ITPRID2: variants seen among roughly 807,000 people sequenced by gnomAD.
ITPRID2 encodes protein ITPRID2.
Under a neutral mutation model 124.3 loss-of-function variants are expected in ITPRID2, and 60 were observed. The ratio of observed to expected loss-of-function variants is 0.48; its 90% CI spans 0.39 to 0.60. The LOEUF (loss-of-function observed/expected upper bound fraction) is 0.60, where lower values mean the gene tolerates loss of function less well. Ranked by LOEUF, ITPRID2 falls within the 20% of genes least tolerant of loss-of-function variation. ITPRID2 has a pLI of 0.00. For synonymous variants in ITPRID2, 521 were observed against 542.9 expected (o/e 0.96, Z 0.56); for missense variants, 1,553 against 1,512.2 (o/e 1.03, Z -0.45).
intron 9 of ITPRID2, among the ~76,000 whole-genome samples, chr2:181,912,025 T>C (rs930325467): frequency 6.6e-6 from 1 of 152,192 alleles, no homozygotes; most frequent in African/African-American, 2.4e-5. Flanking sequence ...AGATAAAACA[T>C]ACCTTAGCAG....
rs1691770329 is a variant in ITPRID2, at chr2:181,892,241, C to T, written c.175C>T (p.Leu59Phe). Reference protein sequence around the residue: ...QDEEEDEEEDLPGAQLPAAGG... With the variant: ...QDEEEDEEEDFPGAQLPAAGG... ...CGAGGAGGAGGACGAGGAGGAGGAC[C>T]TCCCCGGCGCGCAGCTGCCGGCAGC... Residue 59 changes from leucine to phenylalanine, a missense_variant, in exon 1 of 18, where the codon CTC (leucine) becomes TTC (phenylalanine). Transcript: ENST00000431877. The surrounding 1 kb of genome is among the most constrained non-coding windows in gnomAD (Gnocchi z 5.2). The T allele has an allele frequency of 1.9e-6, 3 of 1,549,528 alleles. No homozygotes were observed. Among genetic ancestry groups the T allele is most frequent in the South Asian group, 1.2e-5 (1 of 84,018 alleles).
At chr2:181,916,650 CTG>C (rs1311471897) in intron 11 of ITPRID2, 1 of 729,550 alleles carries the variant, frequency 1.4e-6, no homozygotes, top group Admixed American at 3.4e-5. Flanking sequence ...GCTCACAAGT[CTG>C]TCTCCTTTCC....
intron 9 of ITPRID2, among the ~76,000 whole-genome samples, chr2:181,913,052 C>G (rs1693730013): frequency 6.6e-6 from 1 of 151,810 alleles, no homozygotes; most frequent in Non-Finnish European, 1.5e-5. Flanking sequence ...ATTTACTGGC[C>G]TTAATTGTAT....
chr2:181,929,708 TA>T lies in ITPRID2; in HGVS notation c.*166del. ...TGTGTATTTCTTCAACCATATATTT[TA>T]AAAAGACGTACATAGAAACTTAGGC... On this transcript the variant is annotated 3_prime_UTR_variant, in exon 18 of 18. Transcript: ENST00000431877. 7.7e-7 allele frequency: 1 copy of T among 1,290,904 alleles called. No individual in the cohort carries two copies. The highest frequency in any genetic ancestry group is 1.1e-6 in the Non-Finnish European group (1 of 928,078). 80.0% of individuals were successfully genotyped at this position (1,290,904 alleles called of 1,614,324 possible).
chr2:181,904,010 C>T lies in ITPRID2; in HGVS notation c.1413+1544C>T, dbSNP rs182699616. ...TAGGTAATTGCAAATCTGATATTGG[C>T]GACTCCGAGTGAACAACACTCATAT... On this transcript the variant is annotated intron_variant, in intron 8 of 17. Coordinates refer to ENST00000431877, the MANE Select transcript of ITPRID2 (RefSeq NM_001130445.3). 1.1e-4 allele frequency among the ~76,000 whole-genome samples: 17 copies of T among 152,122 alleles called. No homozygotes were observed. The East Asian group carries it at 2.1e-3, about 19-fold the overall frequency.
At chr2:181,913,084 T>TTTG (rs1693737821) in intron 9 of ITPRID2, among the ~76,000 whole-genome samples, 1 of 152,134 alleles carries the variant, frequency 6.6e-6, no homozygotes, top group Non-Finnish European at 1.5e-5. Flanking sequence ...TTTATTTTTT[T>TTTG]TGAGACGGAG....
At chr2:181,909,418 G>T (rs1693421837) in intron 8 of ITPRID2, among the ~76,000 whole-genome samples, 1 of 152,124 alleles carries the variant, frequency 6.6e-6, no homozygotes, top group African/African-American at 2.4e-5. Flanking sequence ...GTGTATTAGT[G>T]TTTCTCCTGG....
rs778481761 is a variant in ITPRID2 at position 181,900,829 on chromosome 2, G to A, written c.637G>A (p.Gly213Arg). Reference protein sequence around the residue: ...RFFNSSSFAKGIDIKVFLSAQ... With the variant: ...RFFNSSSFAKRIDIKVFLSAQ... ...TTTTAATTCATCATCCTTTGCCAAA[G>A]GGATAGATATTAAAGTATTTTTGAG... The change falls in exon 7 of 18, where the codon GGG becomes AGG. Residue 213 changes from glycine (G) to arginine (R), a missense_variant. Transcript: ENST00000431877. 6.2e-7 allele frequency: 1 copy of A among 1,613,260 alleles called. No homozygotes were observed. Among genetic ancestry groups the A allele is most frequent in the Non-Finnish European group, 8.5e-7 (1 of 1,179,622 alleles).
chr2:181,914,321 T>A (rs933322043), intron 10 of ITPRID2, among the ~76,000 whole-genome samples: 3 of 152,208 alleles, frequency 2.0e-5, no homozygotes, highest in Non-Finnish European at 4.4e-5. Context: ...CTGAGTGTTA[T>A]ACTGATTTTT....
rs1317385206 is a variant in ITPRID2, at chr2:181,915,336, G to C, written c.1696G>C (p.Glu566Gln). The change falls in exon 11 of 18, where the codon GAA (glutamate) becomes CAA (glutamine). Residue 566 changes from glutamate (E) to glutamine (Q), a missense_variant. By Grantham distance (29) the Glu-to-Gln change is conservative (BLOSUM62 2). Coordinates refer to ENST00000431877, the MANE Select transcript of ITPRID2 (RefSeq NM_001130445.3). ...PTAQDQPYFN[E>Q]SEEESLVPLQ... ...AGCACAAGACCAGCCTTATTTTAAT[G>C]AATCAGAGGAGGAGTCTCTTGTCCC... 1 of 1,614,188 alleles carries C rather than the reference G, an allele frequency of 6.2e-7. No homozygotes were observed. The highest frequency in any genetic ancestry group is 2.2e-5 in the East Asian group (1 of 44,876).
At chr2:181,909,383 T>C (rs1693419683) in intron 8 of ITPRID2, among the ~76,000 whole-genome samples, 1 of 152,188 alleles carries the variant, frequency 6.6e-6, no homozygotes, top group Non-Finnish European at 1.5e-5. Flanking sequence ...CTCAACTGTG[T>C]GTTGGTCATA....
In ITPRID2 at chr2:181,892,100, G is replaced by A. The variant is rs1574179204; in HGVS notation, c.34G>A (p.Glu12Lys). The A allele has an allele frequency of 6.4e-7, 1 of 1,557,416 alleles. No individual in the cohort carries two copies. Among genetic ancestry groups the A allele is most frequent in the Admixed American group, 1.9e-5 (1 of 51,954 alleles). The change falls in exon 1 of 18, where the codon GAG (glutamate) becomes AAG (lysine). Residue 12 changes from glutamate (E) to lysine (K), a missense_variant. Transcript: ENST00000431877. This position sits in a 1 kb window ranked among gnomAD's most constrained non-coding sequence, Gnocchi z 5.2. ...GCCCCTGTCGTCGTCGGCGGAGGCG[G>A]AGGAGGAACTGGAGTGGCAAGTGGC... ...DRPLSSSAEA[E>K]EELEWQVASR...
chr2:181,924,453 AAATT>A (rs1276824057), intron 16 of ITPRID2, among the ~76,000 whole-genome samples: 1 of 152,236 alleles, frequency 6.6e-6, no homozygotes, highest in Non-Finnish European at 1.5e-5. Context: ...CAAGAAAATT[AAATT>A]AGATTCTGTC....
At position 181,900,746 on chromosome 2, in the gene ITPRID2, A is replaced by G. The variant is rs1692595624; in HGVS notation, c.554A>G (p.Tyr185Cys). Residue 185 changes from tyrosine (Y) to cysteine (C), a missense_variant, in exon 7 of 18, where the codon TAT becomes TGT. Transcript: ENST00000431877. ...LYEEDPEEIL[Y>C]NLGFGRDEPD... Reference sequence around the variant, plus strand: ...GAGGAAGATCCTGAAGAAATTCTTTATAATCTTGGATTTGGACGTGATGAA... The same window carrying G: ...GAGGAAGATCCTGAAGAAATTCTTTGTAATCTTGGATTTGGACGTGATGAA... 3.7e-6 allele frequency: 6 copies of G among 1,612,730 alleles called. No individual in the cohort carries two copies. The highest frequency in any genetic ancestry group is 1.1e-5 in the South Asian group (1 of 90,706).
intron 17 of ITPRID2, among the ~76,000 whole-genome samples, chr2:181,929,216 C>A (rs1459933391): frequency 6.6e-6 from 1 of 150,978 alleles, no homozygotes; most frequent in Non-Finnish European, 1.5e-5. Context: ...AATAATAATT[C>A]TTGGTGAATG....
chr2:181,926,712 CAAAAA>C (rs567004734), intron 16 of ITPRID2, among the ~76,000 whole-genome samples: 1 of 65,968 alleles, frequency 1.5e-5, no homozygotes, highest in Admixed American at 1.5e-4. Context: ...GAATCCATCT[CAAAAA>C]AAAAAAAAAA....
At chr2:181,918,729 T>G in intron 12 of ITPRID2, 26 bp from the exon 13 acceptor site, 1 of 1,613,660 alleles carries the variant, frequency 6.2e-7, no homozygotes, top group Non-Finnish European at 8.5e-7. Context: ...AATTTAGAAG[T>G]GTAATTTTGT....
At chr2:181,928,629 C>CTT (rs756208720) in intron 17 of ITPRID2, among the ~76,000 whole-genome samples, 7 of 142,354 alleles carry the variant, frequency 4.9e-5, no homozygotes, top group Admixed American at 7.0e-5. Context: ...TCACAACTTC[C>CTT]TTTTTTTTTT....
chr2:181,891,769 G>C lies in ITPRID2; in HGVS notation c.-298G>C, dbSNP rs990584664. ...CGGCCTGCTCCGGGCGCGTCAGGCA[G>C]GGGGTGGGGAGCAGGGGCCGGGCGG... On this transcript the variant is annotated 5_prime_UTR_variant, in exon 1 of 18. Coordinates refer to ENST00000431877, the MANE Select transcript of ITPRID2 (RefSeq NM_001130445.3). The C allele has an allele frequency of 1.1e-5, 2 of 182,146 alleles. No individual in the cohort carries two copies. The highest frequency in any genetic ancestry group is 1.6e-4 in the South Asian group (1 of 6,162). The allele number at this position is 182,146 out of a possible 1,614,324, so 11.3% of individuals were successfully genotyped here.
Sources: allele counts gnomAD v4.1 joint callset (sites outside exome capture counted in the v4.1 genomes callset), GRCh38; gene constraint gnomAD v4.1.1; non-coding constraint Gnocchi (gnomAD v3.1); transcripts MANE v1.5; gene names NCBI Gene and HGNC (gene_info 2026-07-23, HGNC 2026-07-21).